Variants in NRXN1 observed in about 807,000 individuals in gnomAD.
NRXN1 encodes neurexin 1.
NRXN1 carries 39 observed loss-of-function variants against 150.9 expected under a neutral mutation model. The ratio of observed to expected loss-of-function variants is 0.26; its 90% confidence interval spans 0.20 to 0.34. The LOEUF is 0.34. Among genes scored for constraint, NRXN1 ranks in the 10% least tolerant of loss-of-function variants. The pLI, the probability that NRXN1 is intolerant of heterozygous loss-of-function variation, is 1.00. For missense variants in NRXN1, 1,815 were observed against 1,949.9 expected (o/e 0.93, Z 1.30); for synonymous variants, 924 against 757.0 (o/e 1.22, Z -3.62).
chr2:50,883,527 T>C lies in NRXN1; in HGVS notation c.832+38342A>G, dbSNP rs551843248. 9.9e-5 allele frequency among the ~76,000 whole-genome samples: 15 copies of C among 151,746 alleles called. No individual in the cohort carries two copies. In the South Asian group the frequency reaches 1.9e-3, roughly 19 times the overall value. ...ATGTTATTGGATAACATTAAAATAATGTAAAATTTGAATTGCTCAGCAACA... is the reference window on the plus strand; with the variant it reads ...ATGTTATTGGATAACATTAAAATAACGTAAAATTTGAATTGCTCAGCAACA... On this transcript the variant is annotated intron_variant, in intron 5 of 22. Transcript: ENST00000401669.
chr2:50,531,451 T>C (rs1573425585), intron 10 of NRXN1, 21 bp from the exon 11 acceptor site: 1 of 1,584,010 alleles, frequency 6.3e-7, no homozygotes, highest in East Asian at 2.3e-5. Flanking sequence ...AAAATGAATA[T>C]GATAAGTTCT....
At chr2:50,802,555 AAGGAAGGAAGGAAG>A (rs1192977599) in intron 5 of NRXN1, among the ~76,000 whole-genome samples, 10 of 149,256 alleles carry the variant, frequency 6.7e-5, no homozygotes, top group African/African-American at 1.5e-4. Context: ...GGAAGGAAGG[AAGGAAGGAAGGAAG>A]GAGAGAGACA....
In NRXN1 at chr2:50,394,665, A is replaced by G. The variant is rs185422403; in HGVS notation, c.3364+70777T>C. On this transcript the variant is annotated intron_variant, in intron 17 of 22. Transcript: ENST00000401669. ...TTTTCCTCCCTCTTCTCTGCAATCT[A>G]TTGTCCACACTGCAGCCAGAGTTAT... 3.4e-3 allele frequency among the ~76,000 whole-genome samples: 519 copies of G among 152,052 alleles called. 2 individuals carry two copies. Among genetic ancestry groups the G allele is most frequent in the Non-Finnish European group, 5.3e-3 (358 of 67,964 alleles).
At chr2:50,932,163 G>A (rs904225814) in intron 2 of NRXN1, among the ~76,000 whole-genome samples, 1 of 152,092 alleles carries the variant, frequency 6.6e-6, no homozygotes, top group African/African-American at 2.4e-5. Flanking sequence ...TGAGGAAAGT[G>A]GATCACTTGG....
intron 11 of NRXN1, 21 bp downstream of exon 11, chr2:50,531,206 T>C (rs1207008561): frequency 1.9e-6 from 3 of 1,598,830 alleles, no homozygotes; most frequent in South Asian, 1.1e-5. Context: ...GTTAGTTCAA[T>C]GGGGGAAGGC....
chr2:50,487,991 A>C (rs888194328), intron 15 of NRXN1, among the ~76,000 whole-genome samples: 2 of 152,138 alleles, frequency 1.3e-5, no homozygotes, highest in Admixed American at 6.5e-5. Flanking sequence ...TCCACCCAAA[A>C]ACAAATGCTG....
chr2:50,769,300 G>T (rs1702729961), intron 5 of NRXN1, among the ~76,000 whole-genome samples: 1 of 151,986 alleles, frequency 6.6e-6, no homozygotes, highest in South Asian at 2.1e-4. Flanking sequence ...TCACAGATGG[G>T]TTATCCAACT....
At chr2:50,359,262 C>T (rs1205507877) in intron 17 of NRXN1, among the ~76,000 whole-genome samples, 4 of 151,776 alleles carry the variant, frequency 2.6e-5, no homozygotes, top group African/African-American at 4.8e-5. Context: ...ATGAGTTTGA[C>T]GAATTGACAG....
intron 17 of NRXN1, among the ~76,000 whole-genome samples, chr2:50,291,117 A>G (rs2072869080): frequency 7.0e-6 from 1 of 143,854 alleles, no homozygotes; most frequent in Non-Finnish European, 1.5e-5. Flanking sequence ...TTGCTCCTGG[A>G]GTTGAACCAC....
intron 17 of NRXN1, among the ~76,000 whole-genome samples, chr2:50,426,987 G>A (rs2084547619): frequency 6.6e-6 from 1 of 152,124 alleles, no homozygotes; most frequent in African/African-American, 2.4e-5. Context: ...TTCAAAATTT[G>A]AAGACAATAT....
intron 5 of NRXN1, among the ~76,000 whole-genome samples, chr2:50,771,910 T>C (rs958587762): frequency 9.9e-5 from 15 of 152,138 alleles, no homozygotes; most frequent in African/African-American, 3.6e-4. Context: ...AGTACACAAA[T>C]GATAACAAAA....
chr2:50,532,852 C>CTT (rs1158153215), intron 10 of NRXN1, among the ~76,000 whole-genome samples: 11 of 151,990 alleles, frequency 7.2e-5, no homozygotes, highest in Non-Finnish European at 1.2e-4. Flanking sequence ...TGGAATATTG[C>CTT]AAAACAAGCG....
At chr2:50,679,778 G>A (rs1690097328) in intron 5 of NRXN1, among the ~76,000 whole-genome samples, 2 of 152,046 alleles carry the variant, frequency 1.3e-5, no homozygotes, top group South Asian at 4.1e-4. Context: ...ACCATGACTT[G>A]GATTCTTAAA....
rs78159670 is a variant in NRXN1 at position 50,179,379 on chromosome 2, T to C, written c.3546+57410A>G. On this transcript the variant is annotated intron_variant, in intron 18 of 22. Transcript: ENST00000401669. ...AATTACTGCTTTTGTTTAATTACTT[T>C]TAATTACCTGTTTTTCTTTTGTCCT... is the stretch of plus-strand genomic sequence containing the variant. 1.1e-3 allele frequency among the ~76,000 whole-genome samples: 164 copies of C among 152,294 alleles called. 2 individuals are homozygous for C. Among genetic ancestry groups the C allele is most frequent in the African/African-American group, 3.8e-3 (158 of 41,578 alleles).
intron 5 of NRXN1, among the ~76,000 whole-genome samples, chr2:50,794,775 T>C (rs1040473469): frequency 2.0e-5 from 3 of 152,106 alleles, no homozygotes; most frequent in Admixed American, 1.3e-4. Flanking sequence ...AATTCCCCAT[T>C]TACATCAACT....
intron 5 of NRXN1, among the ~76,000 whole-genome samples, chr2:50,655,264 A>G (rs983398076): frequency 6.6e-6 from 1 of 151,778 alleles, no homozygotes; most frequent in Non-Finnish European, 1.5e-5. Flanking sequence ...ATTAAAAAAA[A>G]CACCAAACTA....
At chr2:50,352,751 T>TTGA (rs1258300750) in intron 17 of NRXN1, among the ~76,000 whole-genome samples, 10 of 113,068 alleles carry the variant, frequency 8.8e-5, no homozygotes, top group South Asian at 2.9e-4. Flanking sequence ...AGTAAGAGCA[T>TTGA]TGATAATAAT....
intron 17 of NRXN1, among the ~76,000 whole-genome samples, chr2:50,275,137 A>G (rs1402738182): frequency 6.6e-6 from 1 of 152,160 alleles, no homozygotes. Context: ...CTACTGGACT[A>G]CAATGTTATC....
Position 50,552,816 on chromosome 2 carries a change from T to C in NRXN1, c.1530A>G (p.Thr510=). The change falls in exon 9 of 23, where the codon ACA becomes ACG. Residue 510 remains threonine, a synonymous_variant. Coordinates refer to ENST00000401669, the MANE Select transcript of NRXN1 (RefSeq NM_001330078.2). ...ATAAGATGAGGCCATTTGGCTCTGT[T>C]GTACGGAAATCAAATGATATGGAGC... ...KTGSISFDFR[T]TEPNGLILFS... 6.2e-7 allele frequency: 1 copy of C among 1,613,970 alleles called. No homozygotes were observed. Among genetic ancestry groups the C allele is most frequent in the South Asian group, 1.1e-5 (1 of 91,082 alleles).
Sources: gnomAD v4.1 joint callset for allele counts (sites outside exome capture counted in the v4.1 genomes callset) on GRCh38, gnomAD v4.1.1 for gene constraint, MANE v1.5 for transcripts, NCBI Gene and HGNC (gene_info 2026-07-23, HGNC 2026-07-21) for gene names.